The following POLR3GL variants were observed in gnomAD, a reference collection of about 807,000 sequenced individuals.
The protein encoded by POLR3GL is RNA polymerase III subunit GL, also known as DNA-directed RNA polymerase III subunit RPC7-like.
In POLR3GL, 26 loss-of-function variants were observed where a neutral mutation model predicts 32.4. That is an observed-to-expected ratio of 0.80 (90% CI 0.59 to 1.11). The LOEUF (loss-of-function observed/expected upper bound fraction) is 1.11. POLR3GL is among the 50% of genes most tolerant of loss of function. POLR3GL has a pLI of 0.00. For missense variants in POLR3GL, 229 were observed against 280.1 expected, an observed-to-expected ratio of 0.82 and a Z score of 1.30; for synonymous variants, 95 against 98.7, an observed-to-expected ratio of 0.96 and a Z score of 0.22.
intron 7 of POLR3GL, 58 bp downstream of exon 7, chr1:145,978,154 T>G: frequency 6.4e-7 from 1 of 1,561,524 alleles, no homozygotes. Context: ...ATACTAGGGT[T>G]GCTCTCCTCA....
chr1:145,966,116 CAAAAAAAAA>C (rs58691867), intron 1 of POLR3GL, among the ~76,000 whole-genome samples: 2 of 37,146 alleles, frequency 5.4e-5, no homozygotes, highest in East Asian at 8.5e-4. Flanking sequence ...AACTCCCTCT[CAAAAAAAAA>C]AAAAAAAAAA....
chr1:145,966,815 CATAA>C (rs1365398325), intron 1 of POLR3GL, among the ~76,000 whole-genome samples: 8 of 151,936 alleles, frequency 5.3e-5, no homozygotes, highest in Non-Finnish European at 1.2e-4. Context: ...ATAAAAAGAA[CATAA>C]ATAAATAAAA....
At chr1:145,970,842 C>G (rs1650246190) in intron 1 of POLR3GL, among the ~76,000 whole-genome samples, 1 of 133,776 alleles carries the variant, frequency 7.5e-6, no homozygotes, top group Admixed American at 8.6e-5. Flanking sequence ...CGCCATTGCA[C>G]TCCAGCCGGG....
At chr1:145,965,906 G>A (rs1649998545) in intron 1 of POLR3GL, among the ~76,000 whole-genome samples, 1 of 148,638 alleles carries the variant, frequency 6.7e-6, no homozygotes. Flanking sequence ...GCCTGAGGTC[G>A]GGAGTTGGAG....
At chr1:145,965,668 A>G (rs1380079382) in intron 1 of POLR3GL, among the ~76,000 whole-genome samples, 3 of 152,214 alleles carry the variant, frequency 2.0e-5, no homozygotes, top group African/African-American at 4.8e-5. Flanking sequence ...ATTTTTACCC[A>G]GCTTCTATGT....
chr1:145,977,402 C>T (rs587662912), intron 4 of POLR3GL, 81 bp from the exon 5 acceptor site: 2 of 1,381,822 alleles, frequency 1.4e-6, no homozygotes, highest in South Asian at 2.3e-5. Flanking sequence ...TTAAAACCCT[C>T]ACCCCCCTTT....
chr1:145,972,267 C>T (rs1650355388), intron 1 of POLR3GL, among the ~76,000 whole-genome samples: 1 of 151,132 alleles, frequency 6.6e-6, no homozygotes, highest in Non-Finnish European at 1.5e-5. Flanking sequence ...GTAATCCCAG[C>T]TACTTGGGAG....
At chr1:145,975,881 A>C (rs1224065126) in intron 3 of POLR3GL, among the ~76,000 whole-genome samples, 1 of 152,032 alleles carries the variant, frequency 6.6e-6, no homozygotes, top group African/African-American at 2.4e-5. Context: ...CCAACAAGAG[A>C]ATACTGAAAT....
At chr1:145,973,266 G>A (rs587704771) in intron 1 of POLR3GL, among the ~76,000 whole-genome samples, 8 of 152,116 alleles carry the variant, frequency 5.3e-5, no homozygotes, top group Non-Finnish European at 1.2e-4. Flanking sequence ...CCTCTGACTG[G>A]TTCCTCAGGA....
chr1:145,966,841 T>A (rs1650061279), intron 1 of POLR3GL, among the ~76,000 whole-genome samples: 1 of 152,208 alleles, frequency 6.6e-6, no homozygotes, highest in Non-Finnish European at 1.5e-5. Context: ...GGGTATTTTT[T>A]AACCATTCAT....
intron 1 of POLR3GL, among the ~76,000 whole-genome samples, chr1:145,971,015 C>G (rs944888146): frequency 1.3e-5 from 2 of 150,048 alleles, no homozygotes; most frequent in Non-Finnish European, 3.0e-5. Flanking sequence ...GAAACCCCCT[C>G]TGTACTAAAA....
rs587693497 is a variant in POLR3GL at position 145,978,057 on chromosome 1, G to C, written c.531G>C (p.Glu177Asp). 6.2e-7 allele frequency: 1 copy of C among 1,604,460 alleles called. No homozygotes were observed. The highest frequency in any genetic ancestry group is 8.5e-7 in the Non-Finnish European group (1 of 1,172,374). ...EEKEEEEEKE[E>D]EEEEEYDEEE... ...AAGAAGAAGAAGAAGAGAAGGAAGA[G>C]GAGGAAGAAGAAGAGTATGATGAAG... The change falls in exon 7 of 8, where the codon GAG (glutamate) becomes GAC (aspartate). Residue 177 changes from glutamate to aspartate, a missense_variant. By Grantham distance (45) the Glu-to-Asp change is conservative. Transcript: ENST00000369314.
chr1:145,970,925 G>T (rs587634110), intron 1 of POLR3GL, among the ~76,000 whole-genome samples: 3 of 122,480 alleles, frequency 2.4e-5, no homozygotes, highest in South Asian at 2.7e-4. Flanking sequence ...AGTGGCTCAT[G>T]CCTGTAATCT....
intron 3 of POLR3GL, among the ~76,000 whole-genome samples, chr1:145,976,202 G>T (rs1220099346): frequency 6.6e-6 from 1 of 151,962 alleles, no homozygotes; most frequent in African/African-American, 2.4e-5. Flanking sequence ...CATGAGAATC[G>T]CTTGAACCTG....
intron 1 of POLR3GL, among the ~76,000 whole-genome samples, chr1:145,968,728 C>T (rs782688754): frequency 1.2e-4 from 18 of 151,838 alleles, no homozygotes; most frequent in Admixed American, 2.0e-4. Flanking sequence ...TGCACCACCA[C>T]GCCTGGCTAA....
chr1:145,968,573 CTTTT>C (rs1320272952), intron 1 of POLR3GL, among the ~76,000 whole-genome samples: 1 of 137,710 alleles, frequency 7.3e-6, no homozygotes. Flanking sequence ...GTGACAAATT[CTTTT>C]TTTTTTTTTT....
chr1:145,975,688 A>G (rs1289277596), intron 3 of POLR3GL, among the ~76,000 whole-genome samples: 1 of 152,166 alleles, frequency 6.6e-6, no homozygotes, highest in African/African-American at 2.4e-5. Context: ...TATTTTCTAA[A>G]AAATTATATA....
chr1:145,975,019 T>G (rs1559256081), intron 2 of POLR3GL, 28 bp downstream of exon 2: 1 of 1,503,978 alleles, frequency 6.6e-7, no homozygotes, highest in African/African-American at 1.4e-5. Flanking sequence ...CTTCCCAGAC[T>G]CTCATGTGCC....
chr1:145,969,294 C>G (rs1650173346), intron 1 of POLR3GL, among the ~76,000 whole-genome samples: 1 of 151,594 alleles, frequency 6.6e-6, no homozygotes, highest in Non-Finnish European at 1.5e-5. Context: ...GAGACACAGT[C>G]TCGCTCTTTT....
Sources: allele counts gnomAD v4.1 joint callset (sites outside exome capture counted in the v4.1 genomes callset), GRCh38; gene constraint gnomAD v4.1.1; transcripts MANE v1.5; gene names NCBI Gene and HGNC (gene_info 2026-07-23, HGNC 2026-07-21).